LRP1: variants seen among roughly 807,000 people sequenced by gnomAD.
The protein encoded by LRP1 is prolow-density lipoprotein receptor-related protein 1.
LRP1 carries 51 observed loss-of-function variants against 541.5 expected under a neutral mutation model. The observed-to-expected ratio is 0.09, with a 90% CI of 0.08 to 0.12. The LOEUF is 0.12. Among genes scored for constraint, LRP1 ranks in the 10% least tolerant of loss-of-function variants. The pLI is 1.00. For missense variants in LRP1, 3,878 were observed against 6,376.2 expected, an observed-to-expected ratio of 0.61 and a Z score of 13.34; for synonymous variants, 2,219 against 2,470.8, an observed-to-expected ratio of 0.90 and a Z score of 3.02.
chr12:57,195,574 A>G, intron 52 of LRP1, 84 bp from the exon 53 acceptor site: 1 of 1,603,922 alleles, frequency 6.2e-7, no homozygotes. Flanking sequence ...CCACTCTACC[A>G]GGAGAACCAC....
intron 15 of LRP1, chr12:57,164,297 A>G (rs1388866933): frequency 6.6e-6 from 1 of 152,242 alleles, no homozygotes; most frequent in Non-Finnish European, 1.5e-5. Flanking sequence ...CACCTCCCAA[A>G]TGTTTCCCTA....
chr12:57,180,605 G>T, intron 32 of LRP1, 62 bp from the exon 33 acceptor site: 1 of 1,609,858 alleles, frequency 6.2e-7, no homozygotes, highest in Non-Finnish European at 8.5e-7. Context: ...GGGCCAATGG[G>T]CCCTTCAGGA....
rs1251671943 is a variant in LRP1 at position 57,158,170 on chromosome 12, C to T, written c.1562-232C>T. On this transcript the variant is annotated intron_variant, in intron 10 of 88. Transcript: ENST00000243077. The surrounding 1 kb of genome is among the most constrained non-coding windows in gnomAD (Gnocchi z 5.3). Reference sequence around the variant, plus strand: ...CTTAGCTGAAAACCTGCTATTCTTCCCTCATTTCCTACCCTTGGAGTGCAG... The same window carrying T: ...CTTAGCTGAAAACCTGCTATTCTTCTCTCATTTCCTACCCTTGGAGTGCAG... 1.3e-5 allele frequency among the ~76,000 whole-genome samples: 2 copies of T among 152,150 alleles called. No homozygotes were observed. Among genetic ancestry groups the T allele is most frequent in the Admixed American group, 6.5e-5 (1 of 15,286 alleles).
intron 6 of LRP1, among the ~76,000 whole-genome samples, chr12:57,153,994 G>A (rs1391021432): frequency 1.3e-5 from 2 of 152,112 alleles, no homozygotes; most frequent in East Asian, 3.9e-4. Context: ...CCTTTTCAAG[G>A]ATGGGCTAGA....
chr12:57,206,562 T>A lies in LRP1; in HGVS notation c.11680T>A (p.Phe3894Ile). 6.2e-7 allele frequency: 1 copy of A among 1,614,196 alleles called. No individual in the cohort carries two copies. Among genetic ancestry groups the A allele is most frequent in the Non-Finnish European group, 8.5e-7 (1 of 1,180,030 alleles). Residue 3894 changes from phenylalanine (F) to isoleucine (I), a missense_variant, in exon 76 of 89, where the codon TTC becomes ATC. Physicochemically the swap from Phe to Ile is conservative, Grantham distance 21. Transcript: ENST00000243077. The surrounding 1 kb of genome is among the most constrained non-coding windows in gnomAD (Gnocchi z 4.7). ...GHPHSAYEQA[F>I]QGDESVRIDA... ...CCCCCATTCGGCTTACGAGCAGGCATTCCAGGGTGACGAGAGTGTCCGCAT... is the reference window on the plus strand; with the variant it reads ...CCCCCATTCGGCTTACGAGCAGGCAATCCAGGGTGACGAGAGTGTCCGCAT...
chr12:57,193,874 C>A, intron 47 of LRP1, 25 bp from the exon 48 acceptor site: 1 of 1,606,826 alleles, frequency 6.2e-7, no homozygotes, highest in Admixed American at 1.7e-5. Context: ...TCTGGCCTGA[C>A]GATACGGGGC....
At chr12:57,143,844 C>T (rs1254858556) in intron 4 of LRP1, 46 bp downstream of exon 4, 1 of 1,573,868 alleles carries the variant, frequency 6.4e-7, no homozygotes, top group South Asian at 1.2e-5. Context: ...TGCCAGTAGC[C>T]AGTTGAGGTG....
chr12:57,200,826 G>GCAC lies in LRP1; in HGVS notation c.10225+12_10225+13insACC. 1.9e-6 allele frequency: 3 copies of GCAC among 1,581,438 alleles called. No individual in the cohort carries two copies. The highest frequency in any genetic ancestry group is 1.1e-5 in the South Asian group (1 of 90,000). On this transcript the variant is annotated intron_variant, in intron 64 of 88. Transcript: ENST00000243077. ...ACGAGGCCAACTGTGGTAAGGCGCT[G>GCAC]CCCGCCCACCCTCCCTCCTTCCCCA...
chr12:57,152,525 T>C (rs2035545492), intron 6 of LRP1, among the ~76,000 whole-genome samples: 1 of 152,140 alleles, frequency 6.6e-6, no homozygotes, highest in Non-Finnish European at 1.5e-5. Context: ...TTGAATCTGT[T>C]TTCTCTGTGG....
intron 20 of LRP1, among the ~76,000 whole-genome samples, chr12:57,171,991 T>G (rs1409548705): frequency 8.4e-6 from 1 of 118,582 alleles, no homozygotes; most frequent in Non-Finnish European, 1.8e-5. Flanking sequence ...CCCCCACCCC[T>G]ACCCCTCTGA....
rs756543621 is a variant in LRP1 at position 57,185,755 on chromosome 12, C to T, written c.6688C>T (p.Pro2230Ser). 1 of 1,614,230 alleles carries T rather than the reference C, an allele frequency of 6.2e-7. No homozygotes were observed. The highest frequency in any genetic ancestry group is 8.5e-7 in the Non-Finnish European group (1 of 1,180,036). The change falls in exon 41 of 89, where the codon CCT (proline) becomes TCT (serine). Residue 2230 changes from proline to serine, a missense_variant. Pro to Ser is a moderately conservative substitution (Grantham distance 74). Coordinates refer to ENST00000243077, the MANE Select transcript of LRP1 (RefSeq NM_002332.3). This position sits in a 1 kb window ranked among gnomAD's most constrained non-coding sequence, Gnocchi z 4.9. ...LNAPVQPFED[P>S]EHMKNVIALA... ...TGCGCCCGTGCAGCCCTTCGAGGAC[C>T]CTGAGCACATGAAGAACGTCATCGC... is the stretch of plus-strand genomic sequence containing the variant.
intron 3 of LRP1, among the ~76,000 whole-genome samples, chr12:57,142,518 C>T (rs767252618): frequency 1.3e-5 from 2 of 152,064 alleles, no homozygotes; most frequent in African/African-American, 2.4e-5. Flanking sequence ...GCTCCTGGGA[C>T]GGGATGCAGA....
chr12:57,185,216 G>T lies in LRP1; in HGVS notation c.6463+11G>T. 6.2e-7 allele frequency: 1 copy of T among 1,614,032 alleles called. No individual in the cohort carries two copies. The highest frequency in any genetic ancestry group is 8.5e-7 in the Non-Finnish European group (1 of 1,179,962). On this transcript the variant is annotated intron_variant, in intron 40 of 88. Coordinates refer to ENST00000243077, the MANE Select transcript of LRP1 (RefSeq NM_002332.3). This position sits in a 1 kb window ranked among gnomAD's most constrained non-coding sequence, Gnocchi z 4.9. ...GGGACCGGCAGAAAGGTGAGGCTGGGGCTCTGGGCTGGGGTGGAGAGGTGA... is the reference window on the plus strand; with the variant it reads ...GGGACCGGCAGAAAGGTGAGGCTGGTGCTCTGGGCTGGGGTGGAGAGGTGA...
chr12:57,129,144 C>A, intron 1 of LRP1, 113 bp downstream of exon 1: 1 of 1,160,048 alleles, frequency 8.6e-7, no homozygotes, highest in Non-Finnish European at 1.3e-6. Flanking sequence ...TTTGTTATCC[C>A]AGTCCAGCTG....
Position 57,166,076 on chromosome 12 carries a change from C to T in LRP1, c.2672-8C>T. On this transcript the variant is annotated splice_polypyrimidine_tract_variant and splice_region_variant and intron_variant, in intron 16 of 88. Coordinates refer to ENST00000243077, the MANE Select transcript of LRP1 (RefSeq NM_002332.3). ...TTCTCGCTGACCCCTGACTCATTCCCTCCCCAGATCAGCACACCTGCCCCT... is the reference window on the plus strand; with the variant it reads ...TTCTCGCTGACCCCTGACTCATTCCTTCCCCAGATCAGCACACCTGCCCCT... The T allele has an allele frequency of 6.2e-7, 1 of 1,614,170 alleles. No homozygotes were observed. The highest frequency in any genetic ancestry group is 8.5e-7 in the Non-Finnish European group (1 of 1,179,996).
At position 57,156,468 on chromosome 12, in the gene LRP1, C is replaced by T. The variant is rs2035622613; in HGVS notation, c.1417+185C>T. 6.6e-6 allele frequency among the ~76,000 whole-genome samples: 1 copy of T among 152,234 alleles called. No homozygotes were observed. The highest frequency in any genetic ancestry group is 2.4e-5 in the African/African-American group (1 of 41,460). On this transcript the variant is annotated intron_variant, in intron 9 of 88. Transcript: ENST00000243077. The surrounding 1 kb of genome is among the most constrained non-coding windows in gnomAD (Gnocchi z 5.2). Reference sequence around the variant, plus strand: ...CCCCTCAGCTTCCCCTGCCAGCCCCCATCCACCCACTCAGCCTCCAGATCC... The same window carrying T: ...CCCCTCAGCTTCCCCTGCCAGCCCCTATCCACCCACTCAGCCTCCAGATCC...
Position 57,204,286 on chromosome 12 carries a change from G to T in LRP1, c.10952-124G>T. On this transcript the variant is annotated intron_variant, in intron 70 of 88. Coordinates refer to ENST00000243077, the MANE Select transcript of LRP1 (RefSeq NM_002332.3). This position sits in a 1 kb window ranked among gnomAD's most constrained non-coding sequence, Gnocchi z 5.3. ...ACCAAGTAGAAATTTAAGAGACCTG[G>T]TTCCAATTTGGCTGTGCCACTGCTT... 1 of 1,179,046 alleles carries T rather than the reference G, an allele frequency of 8.5e-7. No individual in the cohort carries two copies. Among genetic ancestry groups the T allele is most frequent in the Non-Finnish European group, 1.2e-6 (1 of 864,558 alleles). 73.0% of individuals were successfully genotyped at this position (1,179,046 alleles called of 1,614,324 possible). A position where few individuals can be genotyped will look rare whatever the true frequency, so the allele number is the denominator to read the frequency against.
chr12:57,159,763 G>C, intron 11 of LRP1, 62 bp from the exon 12 acceptor site: 1 of 1,572,234 alleles, frequency 6.4e-7, no homozygotes, highest in Non-Finnish European at 8.7e-7. Flanking sequence ...GGGAGGGCCA[G>C]AGGCAGGCAG....
At chr12:57,145,626 A>G in intron 6 of LRP1, 136 bp downstream of exon 6, 5 of 1,172,022 alleles carry the variant, frequency 4.3e-6, no homozygotes, top group Non-Finnish European at 4.8e-6. Context: ...GCTGGATACA[A>G]TGGTGTGTGT....
Sources: gnomAD v4.1 joint callset for allele counts (sites outside exome capture counted in the v4.1 genomes callset) on GRCh38, gnomAD v4.1.1 for gene constraint, Gnocchi (gnomAD v3.1) non-coding constraint, MANE v1.5 for transcripts, NCBI Gene and HGNC (gene_info 2026-07-23, HGNC 2026-07-21) for gene names.